The following IGFN1 variants were observed in gnomAD, a reference collection of about 807,000 sequenced individuals.
The protein encoded by IGFN1 is immunoglobulin-like and fibronectin type III domain-containing protein 1.
In IGFN1, 253 loss-of-function variants were observed where a neutral mutation model predicts 289.5. That is an observed-to-expected ratio of 0.87 (90% confidence interval 0.79 to 0.97). The LOEUF (loss-of-function observed/expected upper bound fraction) is 0.97. Among genes scored for constraint, IGFN1 ranks in the 50% least tolerant of loss-of-function variants. The probability of loss-of-function intolerance (pLI) is 0.00; values close to 1 mark genes in which losing one functional copy is unlikely to be tolerated. For synonymous variants in IGFN1, 1,706 were observed against 1,788.5 expected, an observed-to-expected ratio of 0.95 and a Z score of 1.16; for missense variants, 4,470 against 4,686.1, an observed-to-expected ratio of 0.95 and a Z score of 1.35.
chr1:201,200,663 C>G (rs1667110107), intron 8 of IGFN1, among the ~76,000 whole-genome samples: 1 of 152,124 alleles, frequency 6.6e-6, no homozygotes, highest in South Asian at 2.1e-4. Flanking sequence ...GCCTCTGTAT[C>G]TTGGTGTCTT....
chr1:201,208,330 G>C lies in IGFN1; in HGVS notation c.3437G>C (p.Gly1146Ala). 1 of 1,501,402 alleles carries C rather than the reference G, an allele frequency of 6.7e-7. No homozygotes were observed. Among genetic ancestry groups the C allele is most frequent in the East Asian group, 2.5e-5 (1 of 40,796 alleles). The allele number at this position is 1,501,402 out of a possible 1,614,324, so 93.0% of individuals were successfully genotyped here. A position where few individuals can be genotyped will look rare whatever the true frequency, so the allele number is the denominator to read the frequency against. Reference sequence around the variant, plus strand: ...GAAGGAGGCTATGAAGATGGCTCTGGGGGTCCAGGAGCCATGGGACCAGGG... The same window carrying C: ...GAAGGAGGCTATGAAGATGGCTCTGCGGGTCCAGGAGCCATGGGACCAGGG... The part of the protein sequence containing the change: ...FGEGGYEDGS[G>A]GPGAMGPGSL... Residue 1146 changes from glycine to alanine, a missense_variant, in exon 12 of 24, where the codon GGG (glycine) becomes GCG (alanine). Physicochemically the swap from Gly to Ala is moderately conservative, Grantham distance 60. Coordinates refer to ENST00000335211, the MANE Select transcript of IGFN1 (RefSeq NM_001164586.2).
Position 201,208,410 on chromosome 1 carries a change from G to A in IGFN1, c.3517G>A (p.Ala1173Thr). The part of the protein sequence containing the change: ...GEGDGTRCPG[A>T]KASGAGAGYR... ...GGGGGATGGGACAAGATGCCCTGGT[G>A]CTAAGGCCTCTGGAGCTGGAGCTGG... Residue 1173 changes from alanine (A) to threonine (T), a missense_variant, in exon 12 of 24, where the codon GCT becomes ACT. Around this residue, in one of 8 missense-constraint regions of IGFN1, gnomAD observed 2,011 missense variants for 1,953.4 expected, o/e 1.03. Coordinates refer to ENST00000335211, the MANE Select transcript of IGFN1 (RefSeq NM_001164586.2). 6.9e-7 allele frequency: 1 copy of A among 1,449,162 alleles called. No individual in the cohort carries two copies. The highest frequency in any genetic ancestry group is 9.0e-7 in the Non-Finnish European group (1 of 1,108,844). The allele number at this position is 1,449,162 out of a possible 1,614,324, so 89.8% of individuals were successfully genotyped here.
chr1:201,228,478 A>C lies in IGFN1; in HGVS notation c.*79A>C, dbSNP rs80128256. 1,049 of 1,452,164 alleles carry C rather than the reference A, an allele frequency of 7.2e-4. 7 individuals carry two copies. The African/African-American group carries it at 0.011, about 16-fold the overall frequency. 90.0% of individuals were successfully genotyped at this position (1,452,164 alleles called of 1,614,324 possible). A position where few individuals can be genotyped will look rare whatever the true frequency, so the allele number is the denominator to read the frequency against. ...TGCACTGGCCCGGGAAGCCAATCCC[A>C]AGGATGGAGGCTGTGCCCAGAGCCC... On this transcript the variant is annotated 3_prime_UTR_variant, in exon 24 of 24. Transcript: ENST00000335211.
chr1:201,209,072 G>A lies in IGFN1; in HGVS notation c.4179G>A (p.Arg1393=). The change falls in exon 12 of 24, where the codon AGG becomes AGA. Residue 1393 remains arginine, a synonymous_variant. Coordinates refer to ENST00000335211, the MANE Select transcript of IGFN1 (RefSeq NM_001164586.2). ...CTGAGGGAATGGGTGCAGGTTACAG[G>A]GCTGGTTTAAGGGGTCCTGGGGAGA... ...GVPEGMGAGY[R]AGLRGPGEMG... The A allele has an allele frequency of 6.5e-7, 1 of 1,536,614 alleles. No homozygotes were observed. The highest frequency in any genetic ancestry group is 8.7e-7 in the Non-Finnish European group (1 of 1,146,754).
intron 8 of IGFN1, among the ~76,000 whole-genome samples, chr1:201,200,944 G>A (rs1283349862): frequency 6.6e-6 from 1 of 150,906 alleles, no homozygotes; most frequent in Non-Finnish European, 1.5e-5. Context: ...CCATTCTCCT[G>A]CCTCAGCCTC....
Position 201,226,040 on chromosome 1 carries a change from A to G in IGFN1, c.10703A>G (p.His3568Arg). The G allele has an allele frequency of 6.3e-7, 1 of 1,592,050 alleles. No individual in the cohort carries two copies. The highest frequency in any genetic ancestry group is 1.3e-5 in the African/African-American group (1 of 74,542). ...LLGILPGHEY[H>R]FRVVAKNELG... ...GGCATCCTCCCCGGCCACGAATACC[A>G]CTTCAGGGTGGTGGCCAAGAATGAG... The change falls in exon 22 of 24, where the codon CAC becomes CGC. Residue 3568 changes from histidine to arginine, a missense_variant. His to Arg is a conservative substitution (Grantham distance 29). Transcript: ENST00000335211.
At chr1:201,217,238 C>G (rs149041810) in intron 16 of IGFN1, 49 bp from the exon 17 acceptor site, 1 of 1,571,996 alleles carries the variant, frequency 6.4e-7, no homozygotes, top group Non-Finnish European at 8.7e-7. Context: ...CCCCATGAGC[C>G]GGCACCTTTC....
rs942308807 is a variant in IGFN1 at position 201,224,811 on chromosome 1, A to G, written c.10423A>G (p.Thr3475Ala). The change falls in exon 21 of 24, where the codon ACT (threonine) becomes GCT (alanine). Residue 3475 changes from threonine (T) to alanine (A), a missense_variant. Physicochemically the swap from Thr to Ala is moderately conservative, Grantham distance 58. Around this residue, in one of 8 missense-constraint regions of IGFN1, gnomAD observed 2,218 missense variants for 2,114.1 expected, o/e 1.05. Transcript: ENST00000335211. ...TGGACTCTCAGACAGTGGTCTCTAC[A>G]CTGTGGTGCTGAGGACCCTGCAGGG... is the stretch of plus-strand genomic sequence containing the variant. ...VAGLSDSGLY[T>A]VVLRTLQGKE... 6.2e-7 allele frequency: 1 copy of G among 1,614,028 alleles called. No individual in the cohort carries two copies. The highest frequency in any genetic ancestry group is 1.7e-5 in the Admixed American group (1 of 59,996).
Position 201,209,015 on chromosome 1 carries a change from T to A in IGFN1, c.4122T>A (p.Asp1374Glu). The change falls in exon 12 of 24, where the codon GAT becomes GAA. Residue 1374 changes from aspartate to glutamate, a missense_variant. Around this residue, in one of 8 missense-constraint regions of IGFN1, gnomAD observed 2,011 missense variants for 1,953.4 expected, o/e 1.03. Transcript: ENST00000335211. ...GTTCCAGGGAAATCGGGTCAATGGA[T>A]GAAACAGATAATAGGAAAGATTTGG... Reference protein sequence around the residue: ...LKGSREIGSMDETDNRKDLGV... With the variant: ...LKGSREIGSMEETDNRKDLGV... The A allele has an allele frequency of 6.5e-7, 1 of 1,535,776 alleles. No individual in the cohort carries two copies. The highest frequency in any genetic ancestry group is 1.2e-5 in the South Asian group (1 of 83,962).
intron 22 of IGFN1, among the ~76,000 whole-genome samples, chr1:201,226,569 A>G (rs535251623): frequency 3.9e-5 from 6 of 152,320 alleles, no homozygotes; most frequent in Admixed American, 1.3e-4. Context: ...AAAGCTCTAC[A>G]CCAGAATGTC....
intron 22 of IGFN1, 70 bp from the exon 23 acceptor site, chr1:201,226,812 C>A: frequency 8.1e-7 from 1 of 1,232,180 alleles, no homozygotes; most frequent in South Asian, 1.4e-5. Flanking sequence ...AACTCTTTAC[C>A]CAGACCCGGG....
At chr1:201,224,371 G>T (rs6687300) in intron 20 of IGFN1, among the ~76,000 whole-genome samples, 88,416 of 151,940 alleles carry the variant, frequency 0.58, 28,052 homozygotes, top group East Asian at 0.83. Flanking sequence ...GCTCCTGGCT[G>T]AGAGGATAAT....
At chr1:201,226,271 G>A in intron 22 of IGFN1, 148 bp downstream of exon 22, 1 of 933,170 alleles carries the variant, frequency 1.1e-6, no homozygotes, top group South Asian at 2.0e-5. Context: ...GCAGCCCCGA[G>A]CTGCTGCTCC....
chr1:201,226,110 C>T lies in IGFN1; in HGVS notation c.10773C>T (p.Ile3591=). ...KPSDTSQPWC[I]PRQRDRFTVK... ...CGGACACCAGCCAGCCCTGGTGCAT[C>T]CCCCGGCAGCGCGGTAAGCAGCCCC... The change falls in exon 22 of 24, where the codon ATC becomes ATT. Residue 3591 remains isoleucine (I), a synonymous_variant. Coordinates refer to ENST00000335211, the MANE Select transcript of IGFN1 (RefSeq NM_001164586.2). 1.3e-6 allele frequency: 2 copies of T among 1,594,114 alleles called. No homozygotes were observed. The highest frequency in any genetic ancestry group is 2.3e-5 in the South Asian group (2 of 88,794).
chr1:201,221,411 T>C, intron 18 of IGFN1, 33 bp from the exon 19 acceptor site: 1 of 1,481,974 alleles, frequency 6.7e-7, no homozygotes, highest in Non-Finnish European at 9.1e-7. Context: ...CCTCAGGAGA[T>C]GCCATTCCTG....
chr1:201,226,165 T>G (rs1380406727), intron 22 of IGFN1, 42 bp downstream of exon 22: 2 of 1,526,072 alleles, frequency 1.3e-6, no homozygotes, highest in Non-Finnish European at 1.8e-6. Context: ...GGGTGGGGGT[T>G]GCGCTCTGCA....
chr1:201,205,935 C>T, intron 11 of IGFN1, 148 bp from the exon 12 acceptor site: 1 of 636,468 alleles, frequency 1.6e-6, no homozygotes, highest in Non-Finnish European at 2.8e-6. Flanking sequence ...CCCAGGTGGT[C>T]ACCTTGCTTC....
chr1:201,220,139 C>G (rs1653632808), intron 18 of IGFN1, among the ~76,000 whole-genome samples: 1 of 142,936 alleles, frequency 7.0e-6, no homozygotes, highest in African/African-American at 2.6e-5. Context: ...TTCTTTCTCT[C>G]TCTCCCCCTT....
Position 201,207,349 on chromosome 1 carries a change from G to A in IGFN1, c.2456G>A (p.Trp819Ter). Residue 819 changes from tryptophan (W) to a stop codon, truncating the protein, a stop_gained, in exon 12 of 24, where the codon TGG becomes TAG. Transcript: ENST00000335211. LOFTEE classifies it high-confidence loss of function. Reference protein sequence around the residue: ...DPRSFQSSQGWTAGHRAAGGI... With the variant: ...DPRSFQSSQG Reference sequence around the variant, plus strand: ...AGAAGCTTCCAGTCTTCCCAGGGCTGGACAGCAGGTCACAGAGCAGCAGGG... The same window carrying A: ...AGAAGCTTCCAGTCTTCCCAGGGCTAGACAGCAGGTCACAGAGCAGCAGGG... 6.5e-7 allele frequency: 1 copy of A among 1,536,940 alleles called. No individual in the cohort carries two copies. Among genetic ancestry groups the A allele is most frequent in the Non-Finnish European group, 8.7e-7 (1 of 1,146,874 alleles).
Sources: allele counts gnomAD v4.1 joint callset (sites outside exome capture counted in the v4.1 genomes callset), GRCh38; gene constraint gnomAD v4.1.1; regional missense constraint gnomAD v4.1.1; transcripts MANE v1.5; gene names NCBI Gene and HGNC (gene_info 2026-07-23, HGNC 2026-07-21).